GRM8: variants seen among roughly 807,000 people sequenced by gnomAD.
GRM8 encodes metabotropic glutamate receptor 8.
A neutral mutation model predicts 87.2 loss-of-function variants in GRM8; 47 were observed. The ratio of observed to expected loss-of-function variants is 0.54; its 90% CI spans 0.43 to 0.69. The LOEUF (loss-of-function observed/expected upper bound fraction) is 0.69, where lower values mean the gene tolerates loss of function less well. Ranked by LOEUF, GRM8 falls within the 30% of genes least tolerant of loss-of-function variation. GRM8 has a pLI of 0.00. For synonymous variants in GRM8, 396 were observed against 404.5 expected (o/e 0.98, Z 0.25); for missense variants, 1,019 against 1,139.2 (o/e 0.89, Z 1.52).
At position 127,146,656 on chromosome 7, in the gene GRM8, T is replaced by TTA. The variant is rs540689221; in HGVS notation, c.511-39946_511-39945dup. Among the ~76,000 whole-genome samples, 24 of 152,178 alleles carry TTA rather than the reference T, an allele frequency of 1.6e-4. No homozygotes were observed. In the East Asian group the frequency reaches 4.6e-3, roughly 29 times the overall value. The stretch of plus-strand genomic sequence containing the variant: ...ATCTGCAAGATCAAAACAGAATATT[T>TTA]TAGTTCAGTTATCCAGATATTTCAC... On this transcript the variant is annotated intron_variant, in intron 2 of 10. Transcript: ENST00000339582.
intron 6 of GRM8, among the ~76,000 whole-genome samples, chr7:126,780,670 T>G (rs973968633): frequency 1.7e-4 from 18 of 103,690 alleles, no homozygotes; most frequent in Admixed American, 1.1e-3. Context: ...GTACAAGGAG[T>G]GAGGCTCAGC....
chr7:127,141,499 C>T (rs17866957), intron 2 of GRM8, among the ~76,000 whole-genome samples: 1,973 of 152,154 alleles, frequency 0.013, 33 homozygotes, highest in African/African-American at 0.044. Context: ...TCACAATGAA[C>T]CTAACATTTG....
chr7:127,163,835 TA>T (rs939137544), intron 2 of GRM8, among the ~76,000 whole-genome samples: 17 of 152,042 alleles, frequency 1.1e-4, no homozygotes, highest in Admixed American at 9.2e-4. Flanking sequence ...TTTTTAATGA[TA>T]AAAAAAATGT....
At chr7:126,771,973 T>C (rs1818890163) in intron 6 of GRM8, among the ~76,000 whole-genome samples, 1 of 152,132 alleles carries the variant, frequency 6.6e-6, no homozygotes, top group Admixed American at 6.6e-5. Context: ...TCCTGAGTCT[T>C]AGAACAACAC....
chr7:127,130,200 T>C (rs1303375815), intron 2 of GRM8, among the ~76,000 whole-genome samples: 1 of 152,186 alleles, frequency 6.6e-6, no homozygotes, highest in African/African-American at 2.4e-5. Context: ...CTTTTCTTTA[T>C]AAATTACCCA....
intron 8 of GRM8, among the ~76,000 whole-genome samples, chr7:126,568,079 G>GGTAAACTAA (rs1392521975): frequency 5.3e-5 from 8 of 152,066 alleles, no homozygotes; most frequent in Non-Finnish European, 1.2e-4. Flanking sequence ...TGGTAAACTA[G>GGTAAACTAA]TTAAAATTAT....
chr7:126,658,868 C>T (rs1443437163), intron 7 of GRM8, among the ~76,000 whole-genome samples: 2 of 151,956 alleles, frequency 1.3e-5, no homozygotes, highest in South Asian at 2.1e-4. Context: ...TGCCTGGCCG[C>T]GCGGCTAGGG....
chr7:127,135,213 T>A (rs1827882285), intron 2 of GRM8, among the ~76,000 whole-genome samples: 1 of 152,012 alleles, frequency 6.6e-6, no homozygotes, highest in Admixed American at 6.6e-5. Flanking sequence ...GGAAAAAAAA[T>A]ATTTAACCCA....
chr7:127,232,650 A>G (rs1429332347), intron 2 of GRM8, among the ~76,000 whole-genome samples: 3 of 152,202 alleles, frequency 2.0e-5, no homozygotes, highest in African/African-American at 7.2e-5. Context: ...AAACTGGAGG[A>G]GAGGTACCAC....
chr7:127,082,042 G>A (rs941728524), intron 3 of GRM8: 1 of 152,168 alleles, frequency 6.6e-6, no homozygotes, highest in African/African-American at 2.4e-5. Flanking sequence ...GGGATTCAAG[G>A]GAGAGTGAAC....
At chr7:127,144,901 G>A (rs1267588700) in intron 2 of GRM8, among the ~76,000 whole-genome samples, 5 of 151,758 alleles carry the variant, frequency 3.3e-5, no homozygotes, top group East Asian at 1.9e-4. Flanking sequence ...CCTACAGATC[G>A]GTTATCTACA....
chr7:126,650,679 G>C (rs1384783984), intron 7 of GRM8, among the ~76,000 whole-genome samples: 1 of 151,830 alleles, frequency 6.6e-6, no homozygotes. Context: ...CTCTCTGAGT[G>C]GTCAAAAACT....
At chr7:126,802,976 C>G (rs893899767) in intron 6 of GRM8, among the ~76,000 whole-genome samples, 1 of 152,130 alleles carries the variant, frequency 6.6e-6, no homozygotes, top group African/African-American at 2.4e-5. Flanking sequence ...CATAAATGTA[C>G]AGGTCGTTCT....
intron 2 of GRM8, among the ~76,000 whole-genome samples, chr7:127,216,538 A>AC (rs1796561768): frequency 6.6e-6 from 1 of 151,072 alleles, no homozygotes; most frequent in African/African-American, 2.4e-5. Flanking sequence ...AAAAAAACAA[A>AC]AAAAAAAAAA....
chr7:126,959,520 G>T (rs906991726), intron 3 of GRM8, among the ~76,000 whole-genome samples: 2 of 152,158 alleles, frequency 1.3e-5, no homozygotes, highest in African/African-American at 4.8e-5. Flanking sequence ...CTTGAACAAT[G>T]GAAATGGGAC....
intron 6 of GRM8, among the ~76,000 whole-genome samples, chr7:126,867,717 A>G (rs1798726178): frequency 6.6e-6 from 1 of 152,208 alleles, no homozygotes; most frequent in African/African-American, 2.4e-5. Flanking sequence ...AAGCCAGAGA[A>G]GAACAGAAAT....
At chr7:126,732,279 A>T (rs1018252223) in intron 7 of GRM8, among the ~76,000 whole-genome samples, 2 of 152,184 alleles carry the variant, frequency 1.3e-5, no homozygotes, top group African/African-American at 4.8e-5. Context: ...AACATCTGTT[A>T]TAAAAGTTAA....
chr7:126,693,027 C>T (rs954273791), intron 7 of GRM8, among the ~76,000 whole-genome samples: 5 of 152,190 alleles, frequency 3.3e-5, no homozygotes, highest in Non-Finnish European at 7.3e-5. Flanking sequence ...TCCAAACCCT[C>T]AATAGGAAAA....
intron 7 of GRM8, among the ~76,000 whole-genome samples, chr7:126,720,595 A>G (rs1289029684): frequency 6.6e-6 from 1 of 152,228 alleles, no homozygotes; most frequent in Non-Finnish European, 1.5e-5. Context: ...CACAGAAAGG[A>G]TAAGTAGATT....
Sources: allele counts gnomAD v4.1 joint callset (sites outside exome capture counted in the v4.1 genomes callset), GRCh38; gene constraint gnomAD v4.1.1; transcripts MANE v1.5; gene names NCBI Gene and HGNC (gene_info 2026-07-23, HGNC 2026-07-21).